The following VOPP1 variants were observed in gnomAD, a reference collection of about 807,000 sequenced individuals.
The protein encoded by VOPP1 is WW domain binding protein VOPP1.
Under a neutral mutation model 23.5 loss-of-function variants are expected in VOPP1, and 8 were observed. The observed-to-expected ratio is 0.34, with a 90% CI of 0.20 to 0.61. VOPP1 has a LOEUF of 0.61. Ranked by LOEUF, VOPP1 falls within the 20% of genes least tolerant of loss-of-function variation. The pLI, the probability that VOPP1 is intolerant of heterozygous loss-of-function variation, is 0.78. For missense variants in VOPP1, 174 were observed against 238.1 expected (o/e 0.73, Z 1.77); for synonymous variants, 83 against 97.3 (o/e 0.85, Z 0.86).
At chr7:55,505,935 G>A (rs1034788284) in intron 2 of VOPP1, among the ~76,000 whole-genome samples, 1 of 152,138 alleles carries the variant, frequency 6.6e-6, no homozygotes, top group Non-Finnish European at 1.5e-5. Flanking sequence ...TATTAAAACA[G>A]GACAGTGTCA....
chr7:55,503,996 G>T (rs147688372), intron 2 of VOPP1, among the ~76,000 whole-genome samples: 38 of 152,294 alleles, frequency 2.5e-4, no homozygotes, highest in African/African-American at 9.1e-4. Context: ...AGCTAAAGTC[G>T]GAGTAAAATA....
chr7:55,500,003 G>T (rs1794257895), intron 2 of VOPP1, among the ~76,000 whole-genome samples: 1 of 152,182 alleles, frequency 6.6e-6, no homozygotes, highest in African/African-American at 2.4e-5. Flanking sequence ...CTTGCTTTTA[G>T]GGTGGATGGA....
At chr7:55,550,273 T>C (rs1183533909) in intron 1 of VOPP1, among the ~76,000 whole-genome samples, 2 of 152,224 alleles carry the variant, frequency 1.3e-5, no homozygotes, top group African/African-American at 4.8e-5. Flanking sequence ...TGCCACCCTC[T>C]GGAGAGAAAA....
intron 1 of VOPP1, among the ~76,000 whole-genome samples, chr7:55,540,487 A>G (rs897925614): frequency 7.9e-5 from 12 of 152,196 alleles, no homozygotes; most frequent in African/African-American, 2.7e-4. Flanking sequence ...TGATTGCCCC[A>G]GACTGTCTGC....
rs539569541 is a variant in VOPP1 at position 55,563,082 on chromosome 7, A to G, written c.54+9189T>C. ...TGTTTAATAATATTCAATTGGTAATACATGTATAGTGTCAATCAAATGTGC... is the reference window on the plus strand; with the variant it reads ...TGTTTAATAATATTCAATTGGTAATGCATGTATAGTGTCAATCAAATGTGC... On this transcript the variant is annotated intron_variant, in intron 1 of 4. Coordinates refer to ENST00000285279, the MANE Select transcript of VOPP1 (RefSeq NM_030796.5). Among the ~76,000 whole-genome samples the G allele has an allele frequency of 1.6e-4, 24 of 152,362 alleles. No individual in the cohort carries two copies. In the East Asian group the frequency reaches 4.4e-3, roughly 28 times the overall value.
intron 4 of VOPP1, among the ~76,000 whole-genome samples, chr7:55,459,858 CTATTT>C (rs1011856010): frequency 4.0e-5 from 6 of 151,536 alleles, no homozygotes; most frequent in Admixed American, 1.3e-4. Context: ...TTTTTAGTCT[CTATTT>C]TGTTTTTGTT....
intron 1 of VOPP1, chr7:55,561,962 G>A (rs1798003980): frequency 1.4e-6 from 1 of 703,300 alleles, no homozygotes; most frequent in African/African-American, 1.7e-5. Flanking sequence ...GTGAAAGTAT[G>A]GTGCCTTCAG....
chr7:55,450,080 G>A (rs896670351), intron 4 of VOPP1, among the ~76,000 whole-genome samples: 3 of 152,180 alleles, frequency 2.0e-5, no homozygotes, highest in Non-Finnish European at 2.9e-5. Flanking sequence ...AGAAAAAGAC[G>A]AGCAACGATT....
At chr7:55,515,819 G>T in intron 2 of VOPP1, 4 of 234,338 alleles carry the variant, frequency 1.7e-5, no homozygotes, top group South Asian at 1.5e-4. Flanking sequence ...GTGGACCTGC[G>T]TCTAGGCTCT....
chr7:55,491,727 T>C (rs1414934016), intron 4 of VOPP1, among the ~76,000 whole-genome samples: 2 of 152,264 alleles, frequency 1.3e-5, no homozygotes, highest in African/African-American at 2.4e-5. Context: ...TTGGGTGTTA[T>C]GCACTAAACA....
rs752008502 is a variant in VOPP1 at position 55,572,311 on chromosome 7, G to A, written c.14C>T (p.Pro5Leu). 1.9e-5 allele frequency: 29 copies of A among 1,505,952 alleles called. No homozygotes were observed. The highest frequency in any genetic ancestry group is 2.5e-5 in the Non-Finnish European group (28 of 1,136,020). The allele number at this position is 1,505,952 out of a possible 1,614,324, so 93.3% of individuals were successfully genotyped here. A position where few individuals can be genotyped will look rare whatever the true frequency, so the allele number is the denominator to read the frequency against. Residue 5 changes from proline (P) to leucine (L), a missense_variant, in exon 1 of 5, where the codon CCT (proline) becomes CTT (leucine). Transcript: ENST00000285279. ...GAGCAGCAGCGCCGCCACCTTCGCA[G>A]GCTGGCGCCTCATGGCTCCTCGCGT... MRRQ[P>L]AKVAALLLGL...
chr7:55,453,478 C>T (rs991177955), intron 4 of VOPP1, among the ~76,000 whole-genome samples: 1 of 152,048 alleles, frequency 6.6e-6, no homozygotes, highest in African/African-American at 2.4e-5. Context: ...ACTTATAGGC[C>T]ATTGTAGGGT....
intron 1 of VOPP1, chr7:55,537,742 T>C (rs1222506776): frequency 3.6e-6 from 5 of 1,394,654 alleles, no homozygotes; most frequent in Non-Finnish European, 4.7e-6. Context: ...CTTGTGACAG[T>C]GTGAAAAGCA....
chr7:55,535,972 T>G (rs1449625931), intron 1 of VOPP1, among the ~76,000 whole-genome samples: 1 of 152,206 alleles, frequency 6.6e-6, no homozygotes, highest in African/African-American at 2.4e-5. Flanking sequence ...ACCCACACTC[T>G]GTGCCAAGCA....
At chr7:55,475,393 C>T (rs950213146) in intron 4 of VOPP1, among the ~76,000 whole-genome samples, 1 of 152,090 alleles carries the variant, frequency 6.6e-6, no homozygotes, top group African/African-American at 2.4e-5. Flanking sequence ...TGAACATGGC[C>T]GGCAGCCTCC....
rs1259824745 is a variant in VOPP1, at chr7:55,556,026, A to G, written c.54+16245T>C. Among the ~76,000 whole-genome samples the G allele has an allele frequency of 2.6e-5, 4 of 152,206 alleles. No individual in the cohort carries two copies. The East Asian group carries it at 5.8e-4, about 22-fold the overall frequency. On this transcript the variant is annotated intron_variant, in intron 1 of 4. Coordinates refer to ENST00000285279, the MANE Select transcript of VOPP1 (RefSeq NM_030796.5). ...ATAACCTGTATATGATAATGAGAAC[A>G]TGGGTATGTGCTGGAAGCCCCTCTG...
chr7:55,469,735 TG>T (rs765175369), downstream of VOPP1, among the ~76,000 whole-genome samples: 1 of 152,164 alleles, frequency 6.6e-6, no homozygotes, highest in Admixed American at 6.5e-5. Flanking sequence ...CCTACTAATT[TG>T]GGGGAGTGCT....
intron 2 of VOPP1, among the ~76,000 whole-genome samples, chr7:55,501,922 T>A (rs1340261122): frequency 1.3e-5 from 2 of 152,330 alleles, no homozygotes; most frequent in East Asian, 3.9e-4. Flanking sequence ...AGCTCTTATA[T>A]CTGTGCTCTA....
chr7:55,501,809 T>C lies in VOPP1; in HGVS notation c.114-4119A>G, dbSNP rs1441410113. On this transcript the variant is annotated intron_variant, in intron 2 of 4. Coordinates refer to ENST00000285279, the MANE Select transcript of VOPP1 (RefSeq NM_030796.5). The stretch of plus-strand genomic sequence containing the variant: ...CCTGCAGCTTAGGGGGAACTGGCCA[T>C]GATCCTCTGAGCTCCTGCTAGTTCC... Among the ~76,000 whole-genome samples the C allele has an allele frequency of 2.0e-5, 3 of 152,156 alleles. No individual in the cohort carries two copies. In the East Asian group the frequency reaches 5.8e-4, roughly 29 times the overall value.
Sources: allele counts gnomAD v4.1 joint callset (sites outside exome capture counted in the v4.1 genomes callset), GRCh38; gene constraint gnomAD v4.1.1; transcripts MANE v1.5; gene names NCBI Gene and HGNC (gene_info 2026-07-23, HGNC 2026-07-21).